Variants in KLF12 observed in about 807,000 individuals in gnomAD.
KLF12 encodes the protein Krueppel-like factor 12.
A neutral mutation model predicts 37.8 loss-of-function variants in KLF12; 9 were observed. The ratio of observed to expected loss-of-function variants is 0.24; its 90% CI spans 0.14 to 0.42. The LOEUF (loss-of-function observed/expected upper bound fraction) is 0.42. Ranked by LOEUF, KLF12 falls within the 10% of genes least tolerant of loss-of-function variation. The pLI is 1.00. For missense variants in KLF12, 411 were observed against 516.0 expected, an observed-to-expected ratio of 0.80 and a Z score of 1.97; for synonymous variants, 208 against 202.1, an observed-to-expected ratio of 1.03 and a Z score of -0.25.
chr13:74,033,418 A>G (rs944431223), intron 1 of KLF12, among the ~76,000 whole-genome samples: 1 of 152,234 alleles, frequency 6.6e-6, no homozygotes, highest in African/African-American at 2.4e-5. Flanking sequence ...TCTGTTAACT[A>G]ATCTATAAGA....
At chr13:73,952,357 G>A (rs924681632) in intron 2 of KLF12, among the ~76,000 whole-genome samples, 19 of 152,160 alleles carry the variant, frequency 1.2e-4, no homozygotes, top group African/African-American at 4.3e-4. Context: ...CATCTTACAT[G>A]GCTGGAGCAG....
the KLF12 span, among the ~76,000 whole-genome samples, chr13:74,229,447 C>G: frequency 6.6e-6 from 1 of 152,122 alleles, no homozygotes; most frequent in Admixed American, 6.6e-5. Flanking sequence ...CTTTCCTCAG[C>G]CCCATGGTGT....
intron 2 of KLF12, among the ~76,000 whole-genome samples, chr13:73,989,778 T>C (rs907615026): frequency 1.5e-4 from 22 of 151,634 alleles, no homozygotes; most frequent in African/African-American, 5.1e-4. Flanking sequence ...AAGCAGCAAA[T>C]ACCAAAAGCC....
intron 1 of KLF12, among the ~76,000 whole-genome samples, chr13:74,097,703 TA>T (rs2138851766): frequency 6.7e-6 from 1 of 149,246 alleles, no homozygotes; most frequent in East Asian, 1.9e-4. Context: ...TATACATATA[TA>T]TATATGTATT....
the KLF12 span, among the ~76,000 whole-genome samples, chr13:74,250,728 A>G: frequency 6.6e-6 from 1 of 152,326 alleles, no homozygotes; most frequent in Non-Finnish European, 1.5e-5. Flanking sequence ...GTTTAGGAAG[A>G]TACCTAAGGA....
chr13:74,003,530 A>G (rs1443674927), intron 1 of KLF12, among the ~76,000 whole-genome samples: 1 of 152,202 alleles, frequency 6.6e-6, no homozygotes, highest in Non-Finnish European at 1.5e-5. Context: ...TCAGGTGTGT[A>G]TCTGTCTTAC....
At chr13:74,024,474 A>G (rs1309970952) in intron 1 of KLF12, among the ~76,000 whole-genome samples, 1 of 152,200 alleles carries the variant, frequency 6.6e-6, no homozygotes, top group Non-Finnish European at 1.5e-5. Context: ...TTTTTGATAC[A>G]CTAAGAGCCC....
At chr13:73,916,327 A>G (rs990150287) in intron 3 of KLF12, among the ~76,000 whole-genome samples, 2 of 152,144 alleles carry the variant, frequency 1.3e-5, no homozygotes, top group Non-Finnish European at 2.9e-5. Flanking sequence ...ATTCATAGAA[A>G]TAACAATTAA....
chr13:74,019,753 T>C (rs139300999), intron 1 of KLF12, among the ~76,000 whole-genome samples: 458 of 152,336 alleles, frequency 3.0e-3, no homozygotes, highest in African/African-American at 0.01. Context: ...AAATAAATTG[T>C]GCAGACTCCA....
rs115074902 is a variant in KLF12 at position 73,901,346 on chromosome 13, C to T, written c.123+42635G>A. On this transcript the variant is annotated intron_variant, in intron 3 of 7. Transcript: ENST00000377669. ...AATTACAGTCTGTAGAACAGGCAGTCTCTAATAAACAGCATCAACTTTAGA... is the reference window on the plus strand; with the variant it reads ...AATTACAGTCTGTAGAACAGGCAGTTTCTAATAAACAGCATCAACTTTAGA... Among the ~76,000 whole-genome samples, 240 of 152,310 alleles carry T rather than the reference C, an allele frequency of 1.6e-3. 1 individual carries two copies. The highest frequency in any genetic ancestry group is 5.6e-3 in the African/African-American group (231 of 41,572).
intron 6 of KLF12, among the ~76,000 whole-genome samples, chr13:73,744,802 C>T (rs1056435590): frequency 1.3e-5 from 2 of 152,120 alleles, no homozygotes; most frequent in African/African-American, 4.8e-5. Flanking sequence ...TGCATGTCTA[C>T]GCATAGGTGA....
intron 3 of KLF12, among the ~76,000 whole-genome samples, chr13:73,942,689 G>T (rs928071707): frequency 6.6e-6 from 1 of 152,250 alleles, no homozygotes; most frequent in African/African-American, 2.4e-5. Flanking sequence ...CCTGTGTCTT[G>T]GGCTGAATCT....
intron 3 of KLF12, among the ~76,000 whole-genome samples, chr13:73,873,576 A>G (rs1886571590): frequency 6.6e-6 from 1 of 152,154 alleles, no homozygotes; most frequent in South Asian, 2.1e-4. Flanking sequence ...ACCCAATTTT[A>G]TTATTCTTTC....
At chr13:74,048,942 A>G (rs376033467) in intron 1 of KLF12, among the ~76,000 whole-genome samples, 23 of 152,220 alleles carry the variant, frequency 1.5e-4, no homozygotes, top group African/African-American at 5.3e-4. Context: ...GTGAAGAAAA[A>G]TAACAAGCAA....
chr13:73,899,624 G>A (rs967614093), intron 3 of KLF12, among the ~76,000 whole-genome samples: 3 of 152,058 alleles, frequency 2.0e-5, no homozygotes, highest in Non-Finnish European at 4.4e-5. Flanking sequence ...AGGAAGATCC[G>A]CACTTATCCA....
intron 1 of KLF12, among the ~76,000 whole-genome samples, chr13:74,024,873 TACAGAA>T (rs2138444967): frequency 6.6e-6 from 1 of 152,312 alleles, no homozygotes; most frequent in Admixed American, 6.5e-5. Context: ...TTTGATACTC[TACAGAA>T]ACCACCCACC....
chr13:73,984,232 T>C lies in KLF12; in HGVS notation c.33+10758A>G, dbSNP rs551317477. Among the ~76,000 whole-genome samples the C allele has an allele frequency of 2.6e-5, 4 of 152,282 alleles. No individual in the cohort carries two copies. The South Asian group carries it at 8.3e-4, about 32-fold the overall frequency. Reference sequence around the variant, plus strand: ...CTGTCTTCCCTGCAGCATGCCATCATTTTTGGGTTATAAGAGCCACCCTGG... The same window carrying C: ...CTGTCTTCCCTGCAGCATGCCATCACTTTTGGGTTATAAGAGCCACCCTGG... On this transcript the variant is annotated intron_variant, in intron 2 of 7. Transcript: ENST00000377669.
chr13:74,147,099 C>A, the KLF12 span, among the ~76,000 whole-genome samples: 1 of 152,210 alleles, frequency 6.6e-6, no homozygotes, highest in Admixed American at 6.5e-5. Context: ...TTTATACCCT[C>A]ACTGTGGTTC....
intron 1 of KLF12, among the ~76,000 whole-genome samples, chr13:74,091,929 GAC>G (rs1007219016): frequency 2.0e-5 from 3 of 151,778 alleles, no homozygotes; most frequent in African/African-American, 7.3e-5. Flanking sequence ...GGGTACGTGT[GAC>G]ACTTTTTTGC....
Sources: gnomAD v4.1 joint callset for allele counts (sites outside exome capture counted in the v4.1 genomes callset) on GRCh38, gnomAD v4.1.1 for gene constraint, MANE v1.5 for transcripts, NCBI Gene and HGNC (gene_info 2026-07-23, HGNC 2026-07-21) for gene names.